The following SUPT3H variants were observed in gnomAD, a reference collection of about 807,000 sequenced individuals.
SUPT3H encodes SPT3 homolog, SAGA and STAGA complex component, also known as transcription initiation protein SPT3 homolog.
A neutral mutation model predicts 44.3 loss-of-function variants in SUPT3H; 44 were observed. That is an observed-to-expected ratio of 0.99 (90% confidence interval 0.78 to 1.28). SUPT3H has a LOEUF of 1.28. Ranked by LOEUF, SUPT3H falls within the 50% of genes most tolerant of loss-of-function variation. SUPT3H has a pLI of 0.00. For synonymous variants in SUPT3H, 124 were observed against 125.6 expected (o/e 0.99, Z 0.09); for missense variants, 380 against 387.1 (o/e 0.98, Z 0.15).
intron 6 of SUPT3H, among the ~76,000 whole-genome samples, chr6:44,975,604 T>C (rs940932767): frequency 6.6e-6 from 1 of 151,226 alleles, no homozygotes; most frequent in African/African-American, 2.4e-5. Flanking sequence ...GGGTGAGGGA[T>C]AAAAGACTAC....
intron 2 of SUPT3H, among the ~76,000 whole-genome samples, chr6:45,361,004 G>A (rs145873085): frequency 1.6e-3 from 246 of 152,250 alleles, no homozygotes; most frequent in African/African-American, 5.7e-3. Flanking sequence ...TGGGCACAGT[G>A]GCACATGCCT....
intron 3 of SUPT3H, among the ~76,000 whole-genome samples, chr6:45,096,225 T>G (rs1430371351): frequency 6.6e-6 from 1 of 152,172 alleles, no homozygotes; most frequent in Non-Finnish European, 1.5e-5. Flanking sequence ...ATTCAATCAT[T>G]TATAGCCTGT....
At chr6:45,117,855 T>C (rs1040692547) in intron 2 of SUPT3H, among the ~76,000 whole-genome samples, 1 of 152,038 alleles carries the variant, frequency 6.6e-6, no homozygotes, top group African/African-American at 2.4e-5. Context: ...TATAAGACAA[T>C]TGTCTTATAG....
At chr6:45,004,132 T>C (rs185456390) in intron 5 of SUPT3H, among the ~76,000 whole-genome samples, 282 of 151,942 alleles carry the variant, frequency 1.9e-3, no homozygotes, top group African/African-American at 6.6e-3. Flanking sequence ...ACCTCTGAAA[T>C]GAAATGACAA....
At chr6:45,011,529 A>G (rs1050634622) in intron 5 of SUPT3H, among the ~76,000 whole-genome samples, 13 of 152,046 alleles carry the variant, frequency 8.6e-5, no homozygotes, top group Non-Finnish European at 1.9e-4. Flanking sequence ...CCAGTACAGC[A>G]TTATTACCAC....
At chr6:45,327,981 C>T (rs78404771) in intron 2 of SUPT3H, among the ~76,000 whole-genome samples, 2 of 151,812 alleles carry the variant, frequency 1.3e-5, no homozygotes, top group African/African-American at 4.8e-5. Context: ...AGAGGTTGAG[C>T]GGGGAGTAGA....
chr6:45,103,914 A>G (rs1301223952), intron 3 of SUPT3H, among the ~76,000 whole-genome samples: 1 of 152,184 alleles, frequency 6.6e-6, no homozygotes, highest in Non-Finnish European at 1.5e-5. Flanking sequence ...TGTAGGTCAG[A>G]AAATATTAGA....
chr6:45,146,381 G>A lies in SUPT3H; in HGVS notation c.102-40375C>T, dbSNP rs139393129. Among the ~76,000 whole-genome samples, 5 of 152,136 alleles carry A rather than the reference G, an allele frequency of 3.3e-5. No individual in the cohort carries two copies. The East Asian group carries it at 9.7e-4, about 29-fold the overall frequency. On this transcript the variant is annotated intron_variant, in intron 2 of 10. Transcript: ENST00000371459. ...CACTTATAAGTGGGAGCTATACTAT[G>A]AGGACACAAAGGCACAAGAATGATA...
intron 2 of SUPT3H, among the ~76,000 whole-genome samples, chr6:45,199,235 A>G (rs1444305538): frequency 6.6e-6 from 1 of 151,256 alleles, no homozygotes; most frequent in African/African-American, 2.4e-5. Flanking sequence ...CTTCCAATAT[A>G]AAGATTTAAG....
intron 2 of SUPT3H, among the ~76,000 whole-genome samples, chr6:45,306,651 C>T (rs1783065080): frequency 1.3e-5 from 2 of 152,134 alleles, no homozygotes; most frequent in South Asian, 2.1e-4. Context: ...AGAATACAAT[C>T]GGGCGGTTCC....
chr6:45,253,856 TATATATATATATATATAC>T (rs1262696810), intron 2 of SUPT3H, among the ~76,000 whole-genome samples: 1 of 135,632 alleles, frequency 7.4e-6, no homozygotes, highest in Non-Finnish European at 1.6e-5. Context: ...CGCATATATA[TATATATATATATATATAC>T]ACACACACAG....
chr6:44,884,255 A>G (rs775959294), intron 10 of SUPT3H, among the ~76,000 whole-genome samples: 1 of 152,226 alleles, frequency 6.6e-6, no homozygotes, highest in Non-Finnish European at 1.5e-5. Context: ...CGTGAAAAAA[A>G]GCTCATCATC....
chr6:44,819,486 A>ATTT (rs572068213), intron 11 of SUPT3H, among the ~76,000 whole-genome samples: 2 of 144,358 alleles, frequency 1.4e-5, no homozygotes, highest in Non-Finnish European at 3.0e-5. Flanking sequence ...CAGACTAAGC[A>ATTT]TTTTTTTTTT....
At chr6:45,023,139 T>C (rs989873606) in intron 3 of SUPT3H, among the ~76,000 whole-genome samples, 2 of 151,322 alleles carry the variant, frequency 1.3e-5, no homozygotes, top group African/African-American at 4.9e-5. Context: ...AAAGACGACA[T>C]AGATGTGGCC....
intron 2 of SUPT3H, among the ~76,000 whole-genome samples, chr6:45,133,661 T>C (rs1184165586): frequency 1.3e-5 from 2 of 152,224 alleles, no homozygotes; most frequent in Admixed American, 1.3e-4. Flanking sequence ...TAAAACAGCA[T>C]GACTCTGTGG....
Position 45,328,640 on chromosome 6 carries a change from G to A in SUPT3H, c.101+36561C>T, listed in dbSNP as rs771492855. ...ATACTGTAAAACTAAAACAAGGTTTGGGTATGGTTTGTATTTTCAGTTTAA... is the reference window on the plus strand; with the variant it reads ...ATACTGTAAAACTAAAACAAGGTTTAGGTATGGTTTGTATTTTCAGTTTAA... On this transcript the variant is annotated intron_variant, in intron 2 of 10. Transcript: ENST00000371459. 35 of 1,610,026 alleles carry A rather than the reference G, an allele frequency of 2.2e-5. 1 individual carries two copies. In the South Asian group the frequency reaches 3.4e-4, roughly 16 times the overall value.
intron 10 of SUPT3H, among the ~76,000 whole-genome samples, chr6:44,848,870 T>C (rs2153420435): frequency 6.6e-6 from 1 of 152,362 alleles, no homozygotes; most frequent in African/African-American, 2.4e-5. Flanking sequence ...ACATTTAACC[T>C]ACTACACTTC....
intron 10 of SUPT3H, among the ~76,000 whole-genome samples, chr6:44,837,304 T>C (rs1770099594): frequency 6.6e-6 from 1 of 152,224 alleles, no homozygotes; most frequent in Non-Finnish European, 1.5e-5. Flanking sequence ...TGTTTATTTC[T>C]GTATGTCTAA....
At chr6:44,928,852 C>T (rs907520606) in intron 10 of SUPT3H, among the ~76,000 whole-genome samples, 4 of 115,422 alleles carry the variant, frequency 3.5e-5, no homozygotes, top group Admixed American at 3.1e-4. Context: ...CACAGCACTC[C>T]CGCCTGGGCG....
Sources: gnomAD v4.1 joint callset for allele counts (sites outside exome capture counted in the v4.1 genomes callset) on GRCh38, gnomAD v4.1.1 for gene constraint, MANE v1.5 for transcripts, NCBI Gene and HGNC (gene_info 2026-07-23, HGNC 2026-07-21) for gene names.